MPRIP: variants seen among roughly 807,000 people sequenced by gnomAD.
MPRIP encodes myosin phosphatase Rho-interacting protein.
In MPRIP, 59 loss-of-function variants were observed where a neutral mutation model predicts 234.9. The observed-to-expected ratio is 0.25, with a 90% CI of 0.20 to 0.31. MPRIP has a LOEUF of 0.31. Among genes scored for constraint, MPRIP ranks in the 10% least tolerant of loss-of-function variants. MPRIP has a pLI of 1.00. For synonymous variants in MPRIP, 1,144 were observed against 1,263.9 expected, an observed-to-expected ratio of 0.91 and a Z score of 2.01; for missense variants, 2,436 against 3,071.0, an observed-to-expected ratio of 0.79 and a Z score of 4.89.
At chr17:17,100,373 A>G (rs1224534522) in intron 3 of MPRIP, among the ~76,000 whole-genome samples, 1 of 152,206 alleles carries the variant, frequency 6.6e-6, no homozygotes, top group African/African-American at 2.4e-5. Flanking sequence ...GAACCAGTCA[A>G]AACAAACGAA....
intron 14 of MPRIP, among the ~76,000 whole-genome samples, chr17:17,159,558 G>C (rs935052127): frequency 1.3e-5 from 2 of 152,146 alleles, no homozygotes; most frequent in Non-Finnish European, 2.9e-5. Flanking sequence ...CCCTGTGACT[G>C]TCACTCCTCC....
intron 5 of MPRIP, among the ~76,000 whole-genome samples, chr17:17,134,399 T>G (rs2144445325): frequency 6.6e-6 from 1 of 152,292 alleles, no homozygotes; most frequent in East Asian, 1.9e-4. Flanking sequence ...GATGCTGTGC[T>G]TGGTGCAGGG....
At chr17:17,055,957 A>G (rs2088682599) in intron 1 of MPRIP, among the ~76,000 whole-genome samples, 1 of 152,210 alleles carries the variant, frequency 6.6e-6, no homozygotes, top group Admixed American at 6.5e-5. Context: ...GAGAGGTAGT[A>G]TAATATGCCT....
chr17:17,155,651 C>A (rs2045712752), intron 13 of MPRIP, among the ~76,000 whole-genome samples: 1 of 152,278 alleles, frequency 6.6e-6, no homozygotes, highest in South Asian at 2.1e-4. Flanking sequence ...GTCCTCTTTT[C>A]TGTGTCTGTC....
intron 3 of MPRIP, among the ~76,000 whole-genome samples, chr17:17,123,703 C>CAAAA (rs371753802): frequency 1.9e-3 from 102 of 54,884 alleles, no homozygotes; most frequent in Non-Finnish European, 2.3e-3. Context: ...GACTTCGTCT[C>CAAAA]AAAAAAAAAA....
intron 3 of MPRIP, among the ~76,000 whole-genome samples, chr17:17,094,165 A>G (rs1184761194): frequency 6.6e-6 from 1 of 150,588 alleles, no homozygotes; most frequent in Non-Finnish European, 1.5e-5. Flanking sequence ...GGTTTACTTC[A>G]CTTGGTGAAA....
chr17:17,155,083 G>T (rs1004090722), intron 13 of MPRIP, among the ~76,000 whole-genome samples: 2 of 152,182 alleles, frequency 1.3e-5, no homozygotes, highest in Admixed American at 6.5e-5. Context: ...CCAGAACTCT[G>T]CTGTCCCCAC....
intron 16 of MPRIP, chr17:17,168,671 T>G (rs578127725): frequency 8.3e-6 from 3 of 359,744 alleles, no homozygotes; most frequent in African/African-American, 4.3e-5. Context: ...ACACCCACCA[T>G]GTGTGGCTGT....
intron 21 of MPRIP, 58 bp downstream of exon 21, chr17:17,176,570 C>T (rs1448007011): frequency 7.6e-7 from 1 of 1,308,742 alleles, no homozygotes; most frequent in African/African-American, 1.5e-5. Context: ...GTGACATGCG[C>T]CTCCTGAACT....
At chr17:17,073,957 A>G (rs1395672620) in intron 1 of MPRIP, among the ~76,000 whole-genome samples, 2 of 152,138 alleles carry the variant, frequency 1.3e-5, no homozygotes, top group African/African-American at 4.8e-5. Context: ...ACACAGCTCC[A>G]CTTGCACCAT....
At chr17:17,147,016 G>A (rs987225203) in intron 10 of MPRIP, among the ~76,000 whole-genome samples, 2 of 152,224 alleles carry the variant, frequency 1.3e-5, no homozygotes, top group South Asian at 2.1e-4. Context: ...ACTGAGGACC[G>A]CACGGCCTGG....
chr17:17,189,050 T>G lies in MPRIP; in HGVS notation c.*4156T>G, dbSNP rs1238227094. ...GGTAAGTTCTAAGACAGTTCGCACTTAGAAAAGAATGTGACACATCAACAT... is the reference window on the plus strand; with the variant it reads ...GGTAAGTTCTAAGACAGTTCGCACTGAGAAAAGAATGTGACACATCAACAT... On this transcript the variant is annotated 3_prime_UTR_variant, in exon 24 of 24. Coordinates refer to ENST00000651222, the MANE Select transcript of MPRIP (RefSeq NM_001364716.4). 18 of 152,084 alleles carry G rather than the reference T, an allele frequency of 1.2e-4. No individual in the cohort carries two copies. The highest frequency in any genetic ancestry group is 1.2e-3 in the Admixed American group (18 of 15,270). The allele number at this position is 152,084 out of a possible 1,614,324, so 9.4% of individuals were successfully genotyped here. A position where few individuals can be genotyped will look rare whatever the true frequency, so the allele number is the denominator to read the frequency against.
chr17:17,179,773 G>C (rs1189119021), intron 22 of MPRIP, among the ~76,000 whole-genome samples: 1 of 152,192 alleles, frequency 6.6e-6, no homozygotes, highest in African/African-American at 2.4e-5. Context: ...AGGAAGCCCT[G>C]GCGGGGCCCC....
At chr17:17,089,388 C>T (rs1195141233) in intron 3 of MPRIP, among the ~76,000 whole-genome samples, 1 of 152,214 alleles carries the variant, frequency 6.6e-6, no homozygotes, top group Non-Finnish European at 1.5e-5. Flanking sequence ...GTCTCTTGCT[C>T]CTGTCATCAC....
intron 3 of MPRIP, among the ~76,000 whole-genome samples, chr17:17,089,353 G>A (rs998561793): frequency 4.6e-5 from 7 of 152,124 alleles, no homozygotes; most frequent in Non-Finnish European, 7.4e-5. Context: ...TCCTTGGCTC[G>A]TGGCCTCTTC....
chr17:17,139,463 T>G (rs2090769123), intron 7 of MPRIP, among the ~76,000 whole-genome samples: 1 of 152,162 alleles, frequency 6.6e-6, no homozygotes, highest in Non-Finnish European at 1.5e-5. Context: ...TTCATTAGGT[T>G]CCCAAGGTTC....
Position 17,169,120 on chromosome 17 carries a change from C to A in MPRIP, c.6324+1205C>A, listed in dbSNP as rs537519873. On this transcript the variant is annotated intron_variant, in intron 16 of 23. Coordinates refer to ENST00000651222, the MANE Select transcript of MPRIP (RefSeq NM_001364716.4). ...CAAATCAGTCAAAACCTTTTAAAAA[C>A]CATTATGAGTTGTGAGAAGGTTTCA... 35 of 410,810 alleles carry A rather than the reference C, an allele frequency of 8.5e-5. No homozygotes were observed. The Admixed American group carries it at 9.7e-4, about 11-fold the overall frequency. 25.4% of individuals were successfully genotyped at this position (410,810 alleles called of 1,614,324 possible).
intron 1 of MPRIP, among the ~76,000 whole-genome samples, chr17:17,067,255 C>T (rs2089060076): frequency 6.6e-6 from 1 of 152,130 alleles, no homozygotes; most frequent in Non-Finnish European, 1.5e-5. Flanking sequence ...TTTACCATTT[C>T]CCTTAAAGGA....
chr17:17,161,147 C>T, intron 14 of MPRIP, 93 bp from the exon 15 acceptor site: 1 of 821,414 alleles, frequency 1.2e-6, no homozygotes, highest in Non-Finnish European at 1.9e-6. Context: ...AACTCTTGGG[C>T]CACATGGAAG....
Sources: allele counts gnomAD v4.1 joint callset (sites outside exome capture counted in the v4.1 genomes callset), GRCh38; gene constraint gnomAD v4.1.1; transcripts MANE v1.5; gene names NCBI Gene and HGNC (gene_info 2026-07-23, HGNC 2026-07-21).